ARHGEF12: variants seen among roughly 807,000 people sequenced by gnomAD.
ARHGEF12 encodes the protein KMT2A/ARHGEF12 fusion protein.
Under a neutral mutation model 211.2 loss-of-function variants are expected in ARHGEF12, and 66 were observed. The ratio of observed to expected loss-of-function variants is 0.31; its 90% CI spans 0.26 to 0.38. The LOEUF is 0.38. Among genes scored for constraint, ARHGEF12 ranks in the 10% least tolerant of loss-of-function variants. The pLI, the probability that ARHGEF12 is intolerant of heterozygous loss-of-function variation, is 1.00. For synonymous variants in ARHGEF12, 592 were observed against 638.4 expected (o/e 0.93, Z 1.09); for missense variants, 1,429 against 1,869.5 (o/e 0.76, Z 4.34).
chr11:120,342,646 C>CT (rs1458812515), intron 1 of ARHGEF12, among the ~76,000 whole-genome samples: 4 of 152,056 alleles, frequency 2.6e-5, no homozygotes, highest in South Asian at 2.1e-4. Flanking sequence ...TTTTGATTCA[C>CT]TTTTATTTTA....
At chr11:120,448,873 C>G (rs1370835234) in intron 20 of ARHGEF12, 2 of 419,294 alleles carry the variant, frequency 4.8e-6, no homozygotes, top group African/African-American at 4.1e-5. Flanking sequence ...ATAAAACTAC[C>G]CTTTGATTTT....
chr11:120,475,311 A>G (rs1565511096), intron 32 of ARHGEF12, 29 bp from the exon 33 acceptor site: 2 of 1,601,862 alleles, frequency 1.2e-6, no homozygotes, highest in Non-Finnish European at 1.7e-6. Flanking sequence ...TTCTGTACTT[A>G]CCATTTTTTT....
intron 1 of ARHGEF12, among the ~76,000 whole-genome samples, chr11:120,382,580 A>AT (rs1192147273): frequency 2.0e-5 from 3 of 152,172 alleles, no homozygotes; most frequent in Non-Finnish European, 2.9e-5. Flanking sequence ...GTACCAAGTA[A>AT]TTTTCTGGAG....
intron 18 of ARHGEF12, 142 bp downstream of exon 18, chr11:120,447,227 A>ATT: frequency 5.6e-6 from 5 of 889,614 alleles, no homozygotes; most frequent in East Asian, 3.2e-5. Context: ...GAGAAACTGG[A>ATT]TTTTTTTTTT....
chr11:120,337,853 G>A (rs1189791756), intron 1 of ARHGEF12: 1 of 985,312 alleles, frequency 1.0e-6, no homozygotes, highest in African/African-American at 1.7e-5. Context: ...CAATGTCCAG[G>A]AGCTGAAGAA....
intron 37 of ARHGEF12, 49 bp downstream of exon 37, chr11:120,478,438 CAT>C (rs1947126309): frequency 6.9e-7 from 1 of 1,440,514 alleles, no homozygotes; most frequent in South Asian, 1.2e-5. Flanking sequence ...GTATGACACT[CAT>C]GTGCCATCCC....
At chr11:120,467,066 T>C in intron 28 of ARHGEF12, 128 bp from the exon 29 acceptor site, 1 of 601,606 alleles carries the variant, frequency 1.7e-6, no homozygotes, top group Non-Finnish European at 2.9e-6. Flanking sequence ...ATGATATATC[T>C]TGGCATTTTT....
chr11:120,433,407 C>T (rs1258985742), intron 11 of ARHGEF12, among the ~76,000 whole-genome samples: 1 of 152,168 alleles, frequency 6.6e-6, no homozygotes, highest in East Asian at 1.9e-4. Flanking sequence ...GTACATACCG[C>T]TTTTGGGAAT....
chr11:120,368,869 GC>G (rs1248457202), intron 1 of ARHGEF12, among the ~76,000 whole-genome samples: 2 of 151,716 alleles, frequency 1.3e-5, no homozygotes, highest in African/African-American at 4.8e-5. Flanking sequence ...TATTTTTTCT[GC>G]CCCCTCCCTC....
At chr11:120,441,933 C>T in intron 14 of ARHGEF12, 116 bp downstream of exon 14, 1 of 1,008,450 alleles carries the variant, frequency 9.9e-7, no homozygotes, top group South Asian at 1.5e-5. Flanking sequence ...CGTATAAAGA[C>T]AGATACAAAA....
intron 22 of ARHGEF12, among the ~76,000 whole-genome samples, chr11:120,454,047 G>A (rs529193417): frequency 1.3e-5 from 2 of 151,902 alleles, no homozygotes; most frequent in Non-Finnish European, 2.9e-5. Flanking sequence ...GGAGAGTTAA[G>A]TCCCTCCGCA....
chr11:120,401,880 A>C (rs1210692487), intron 1 of ARHGEF12, among the ~76,000 whole-genome samples: 2 of 152,174 alleles, frequency 1.3e-5, no homozygotes, highest in African/African-American at 4.8e-5. Context: ...TTGAATATTT[A>C]GTCTTTAAAT....
intron 15 of ARHGEF12, among the ~76,000 whole-genome samples, chr11:120,443,005 G>C (rs1303903295): frequency 6.7e-6 from 1 of 150,374 alleles, no homozygotes; most frequent in Non-Finnish European, 1.5e-5. Flanking sequence ...TTCTCCTGAT[G>C]CTATGGAGTG....
At chr11:120,425,000 C>G (rs908235809) in intron 7 of ARHGEF12, among the ~76,000 whole-genome samples, 2 of 152,096 alleles carry the variant, frequency 1.3e-5, no homozygotes, top group African/African-American at 2.4e-5. Context: ...GTGAATAGCC[C>G]ACTTGGACTT....
At chr11:120,390,998 C>T (rs1944198899) in intron 1 of ARHGEF12, among the ~76,000 whole-genome samples, 1 of 152,156 alleles carries the variant, frequency 6.6e-6, no homozygotes, top group Non-Finnish European at 1.5e-5. Flanking sequence ...CAAGTTTTAG[C>T]TATTATTGTA....
chr11:120,467,810 C>T (rs919255534), intron 29 of ARHGEF12, among the ~76,000 whole-genome samples: 7 of 152,112 alleles, frequency 4.6e-5, no homozygotes, highest in African/African-American at 1.4e-4. Context: ...AGCTTTAGTA[C>T]GGGGTATATC....
At chr11:120,403,508 A>G (rs1256024664) in intron 1 of ARHGEF12, among the ~76,000 whole-genome samples, 2 of 151,956 alleles carry the variant, frequency 1.3e-5, no homozygotes, top group Non-Finnish European at 2.9e-5. Context: ...CTTAATCGAA[A>G]AAAGAAAAGG....
intron 1 of ARHGEF12, among the ~76,000 whole-genome samples, chr11:120,378,196 TA>T (rs1943785187): frequency 6.6e-6 from 1 of 152,252 alleles, no homozygotes; most frequent in Non-Finnish European, 1.5e-5. Context: ...TCAGTCTTTT[TA>T]ATTTTAGTCA....
intron 16 of ARHGEF12, 142 bp downstream of exon 16, chr11:120,445,606 A>G: frequency 1.1e-6 from 1 of 907,148 alleles, no homozygotes; most frequent in Admixed American, 1.9e-5. Flanking sequence ...ATACATTTAA[A>G]GAGTAAATGA....
Sources: gnomAD v4.1 joint callset for allele counts (sites outside exome capture counted in the v4.1 genomes callset) on GRCh38, gnomAD v4.1.1 for gene constraint, MANE v1.5 for transcripts, NCBI Gene and HGNC (gene_info 2026-07-23, HGNC 2026-07-21) for gene names.